RGS20: variants seen among roughly 807,000 people sequenced by gnomAD.
The protein encoded by RGS20 is gz-selective GTPase-activating protein.
In RGS20, 30 loss-of-function variants were observed where a neutral mutation model predicts 33.6. The observed-to-expected ratio is 0.89, with a 90% confidence interval of 0.67 to 1.21. The LOEUF (loss-of-function observed/expected upper bound fraction) is 1.21. RGS20 is among the 50% of genes most tolerant of loss of function. The pLI is 0.00. For synonymous variants in RGS20, 208 were observed against 197.9 expected (o/e 1.05, Z -0.43); for missense variants, 472 against 502.4 (o/e 0.94, Z 0.58).
intron 2 of RGS20, among the ~76,000 whole-genome samples, chr8:53,915,990 T>C (rs1309087516): frequency 4.6e-5 from 7 of 152,110 alleles, no homozygotes; most frequent in Admixed American, 1.3e-4. Context: ...TAAAATATGC[T>C]TTAATAATTT....
intron 2 of RGS20, among the ~76,000 whole-genome samples, chr8:53,922,573 TTC>T (rs1256974344): frequency 5.3e-5 from 8 of 152,216 alleles, no homozygotes; most frequent in African/African-American, 1.7e-4. Flanking sequence ...GACTACTCTG[TTC>T]TCTTTTCCTC....
intron 2 of RGS20, among the ~76,000 whole-genome samples, chr8:53,882,936 C>A (rs1259560239): frequency 6.6e-6 from 1 of 152,172 alleles, no homozygotes; most frequent in African/African-American, 2.4e-5. Flanking sequence ...TGGCTCCAAA[C>A]CGTGGAATTG....
chr8:53,934,678 A>C (rs1055940586), intron 2 of RGS20, among the ~76,000 whole-genome samples: 2 of 152,176 alleles, frequency 1.3e-5, no homozygotes, highest in African/African-American at 4.8e-5. Flanking sequence ...TTTACACCCC[A>C]CTGTCAATAT....
chr8:53,927,468 G>A (rs765485405), intron 2 of RGS20, among the ~76,000 whole-genome samples: 1 of 152,138 alleles, frequency 6.6e-6, no homozygotes, highest in African/African-American at 2.4e-5. Context: ...TCCTCCTAAA[G>A]TGCTGGGATT....
At chr8:53,902,754 C>A (rs892704855) in intron 2 of RGS20, among the ~76,000 whole-genome samples, 2 of 151,504 alleles carry the variant, frequency 1.3e-5, no homozygotes, top group Non-Finnish European at 2.9e-5. Context: ...GAGACGGAGT[C>A]TCCCTCTGTC....
At position 53,856,372 on chromosome 8, in the gene RGS20, C is replaced by T. The variant is rs995134355; in HGVS notation, c.165+4308C>T. On this transcript the variant is annotated intron_variant, in intron 1 of 5. Transcript: ENST00000297313. ...CTGGGACTAAAAACGTCCACAATTA[C>T]CCCCAGCTACTTTTTTTTGTATTTT... Among the ~76,000 whole-genome samples, 11 of 152,110 alleles carry T rather than the reference C, an allele frequency of 7.2e-5. No individual in the cohort carries two copies. In the East Asian group the frequency reaches 1.2e-3, roughly 16 times the overall value.
At position 53,922,686 on chromosome 8, in the gene RGS20, T is replaced by A. The variant is rs191292701; in HGVS notation, c.511-16890T>A. 3.3e-5 allele frequency among the ~76,000 whole-genome samples: 5 copies of A among 152,344 alleles called. No individual in the cohort carries two copies. The East Asian group carries it at 9.6e-4, about 29-fold the overall frequency. Reference sequence around the variant, plus strand: ...TGTATATTTTTTAATTTTTAATCTTTCTTTGAGACAGGGTGTCACTTTGTC... The same window carrying A: ...TGTATATTTTTTAATTTTTAATCTTACTTTGAGACAGGGTGTCACTTTGTC... On this transcript the variant is annotated intron_variant, in intron 2 of 5. Transcript: ENST00000297313.
intron 5 of RGS20, among the ~76,000 whole-genome samples, chr8:53,956,534 C>T (rs896012993): frequency 2.0e-5 from 3 of 152,118 alleles, no homozygotes; most frequent in Admixed American, 6.6e-5. Context: ...CAGCTGAAGA[C>T]GCTAGAGAGG....
intron 1 of RGS20, among the ~76,000 whole-genome samples, chr8:53,867,009 C>A (rs1811936561): frequency 6.6e-6 from 1 of 152,074 alleles, no homozygotes; most frequent in Non-Finnish European, 1.5e-5. Flanking sequence ...CGGCTAGAAG[C>A]CCTAGAGACC....
intron 2 of RGS20, among the ~76,000 whole-genome samples, chr8:53,905,890 G>C (rs1813151975): frequency 6.6e-6 from 1 of 152,124 alleles, no homozygotes; most frequent in Non-Finnish European, 1.5e-5. Flanking sequence ...TGGAAGCCTA[G>C]AGCCCTTCAA....
intron 2 of RGS20, among the ~76,000 whole-genome samples, chr8:53,931,105 C>G (rs1384936984): frequency 1.3e-5 from 2 of 152,162 alleles, no homozygotes; most frequent in Non-Finnish European, 2.9e-5. Context: ...CTGCCTCCAC[C>G]TTTTGGCTAA....
chr8:53,879,541 C>G lies in RGS20; in HGVS notation c.449C>G (p.Pro150Arg). The G allele has an allele frequency of 6.5e-7, 1 of 1,542,872 alleles. No homozygotes were observed. The highest frequency in any genetic ancestry group is 8.7e-7 in the Non-Finnish European group (1 of 1,144,880). Residue 150 changes from proline (P) to arginine (R), a missense_variant, in exon 2 of 6, where the codon CCC becomes CGC. This residue lies in a region of RGS20 where 319 missense variants were observed against 283.4 expected (regional missense o/e 1.13). Coordinates refer to ENST00000297313, the MANE Select transcript of RGS20 (RefSeq NM_170587.4). ...TCGGGGGGTCGTCCGCTGAGGCCCC[C>G]CCATCCGGTAGCCAAGCCCAGGGAA...
chr8:53,881,176 G>T (rs142492583), intron 2 of RGS20, 92 bp downstream of exon 1: 4 of 970,588 alleles, frequency 4.1e-6, no homozygotes, highest in South Asian at 3.8e-5. Context: ...GGAGGGGCGC[G>T]CCGCTCGTCC....
chr8:53,941,230 C>G (rs1403643152), intron 3 of RGS20, among the ~76,000 whole-genome samples: 1 of 152,194 alleles, frequency 6.6e-6, no homozygotes, highest in African/African-American at 2.4e-5. Context: ...TCATCACCAT[C>G]ATAGCCAACA....
intron 4 of RGS20, among the ~76,000 whole-genome samples, chr8:53,950,653 C>G (rs572161216): frequency 1.7e-4 from 26 of 150,962 alleles, no homozygotes; most frequent in Non-Finnish European, 3.4e-4. Flanking sequence ...CTCATTCTGT[C>G]ACCCAGGCTG....
intron 1 of RGS20, among the ~76,000 whole-genome samples, chr8:53,871,758 T>C (rs1290251075): frequency 2.0e-5 from 3 of 152,218 alleles, no homozygotes; most frequent in Admixed American, 1.3e-4. Flanking sequence ...TGACTAAATG[T>C]TGTCAAGGGA....
intron 2 of RGS20, among the ~76,000 whole-genome samples, chr8:53,937,008 T>G (rs989418870): frequency 6.6e-6 from 1 of 152,134 alleles, no homozygotes; most frequent in African/African-American, 2.4e-5. Context: ...GATTCCCTAT[T>G]TAATAAATGG....
At chr8:53,855,695 A>G (rs1264925792) in intron 1 of RGS20, among the ~76,000 whole-genome samples, 2 of 152,238 alleles carry the variant, frequency 1.3e-5, no homozygotes, top group Non-Finnish European at 2.9e-5. Context: ...CTGGGTGATC[A>G]GTACACGGGA....
chr8:53,864,543 T>G (rs1811880765), intron 1 of RGS20, among the ~76,000 whole-genome samples: 1 of 152,006 alleles, frequency 6.6e-6, no homozygotes, highest in African/African-American at 2.4e-5. Flanking sequence ...CCCCTTGGAA[T>G]CCTATGGGCT....
Sources: gnomAD v4.1 joint callset for allele counts (sites outside exome capture counted in the v4.1 genomes callset) on GRCh38, gnomAD v4.1.1 for gene constraint, gnomAD v4.1.1 regional missense constraint, MANE v1.5 for transcripts, NCBI Gene and HGNC (gene_info 2026-07-23, HGNC 2026-07-21) for gene names.